PSMG2: variants seen among roughly 807,000 people sequenced by gnomAD.
The protein encoded by PSMG2 is CD40 ligand-activated specific transcript 3.
Under a neutral mutation model 31.5 loss-of-function variants are expected in PSMG2, and 21 were observed. The ratio of observed to expected loss-of-function variants is 0.67; its 90% confidence interval spans 0.47 to 0.96. PSMG2 has a LOEUF of 0.96. Among genes scored for constraint, PSMG2 ranks in the 40% least tolerant of loss-of-function variants. The pLI is 0.00. For synonymous variants in PSMG2, 120 were observed against 110.4 expected, an observed-to-expected ratio of 1.09 and a Z score of -0.54; for missense variants, 318 against 321.2, an observed-to-expected ratio of 0.99 and a Z score of 0.08.
chr18:12,698,297 C>T (rs1023887513), upstream of PSMG2, among the ~76,000 whole-genome samples: 1 of 151,830 alleles, frequency 6.6e-6, no homozygotes, highest in African/African-American at 2.4e-5. Context: ...GGGGTGATCT[C>T]GGCTCATTAC....
At chr18:12,667,372 C>T (rs1481368687) in intron 1 of PSMG2, among the ~76,000 whole-genome samples, 7 of 150,064 alleles carry the variant, frequency 4.7e-5, no homozygotes, top group East Asian at 4.0e-4. Context: ...CCAGAGGATC[C>T]GTTGAGCCCA....
intron 1 of PSMG2, among the ~76,000 whole-genome samples, chr18:12,662,320 G>T (rs112699302): frequency 4.6e-5 from 7 of 152,236 alleles, no homozygotes; most frequent in African/African-American, 1.7e-4. Context: ...CAACTTGAAG[G>T]GTCAGATATT....
In PSMG2 at chr18:12,725,649, C is replaced by A; in HGVS notation, c.*118C>A. 2 of 626,566 alleles carry A rather than the reference C, an allele frequency of 3.2e-6. No individual in the cohort carries two copies. Among genetic ancestry groups the A allele is most frequent in the Admixed American group, 3.9e-5 (1 of 25,658 alleles). The allele number at this position is 626,566 out of a possible 1,614,324, so 38.8% of individuals were successfully genotyped here. ...AGGAAATTACTTTCACAGTAAATAT[C>A]AAAGAAAAAAGATTAAGGGTCTCTT... On this transcript the variant is annotated 3_prime_UTR_variant, in exon 7 of 7. Transcript: ENST00000317615.
intron 6 of PSMG2, chr18:12,724,820 G>A (rs1347061578): frequency 2.2e-5 from 11 of 509,820 alleles, no homozygotes; most frequent in Non-Finnish European, 3.4e-5. Flanking sequence ...TTTCATTAAA[G>A]CTGACTTTCC....
At chr18:12,687,735 G>A (rs755755017) in intron 1 of PSMG2, among the ~76,000 whole-genome samples, 5 of 151,744 alleles carry the variant, frequency 3.3e-5, no homozygotes, top group Non-Finnish European at 5.9e-5. Context: ...TTACAGGTGT[G>A]AGCCACTGTG....
chr18:12,680,064 A>T (rs1050092728), intron 1 of PSMG2, among the ~76,000 whole-genome samples: 1 of 151,854 alleles, frequency 6.6e-6, no homozygotes, highest in Admixed American at 6.6e-5. Flanking sequence ...AAAAAAAAAA[A>T]AGAGAAAACT....
chr18:12,678,478 A>G, intron 1 of PSMG2: 1 of 1,404,950 alleles, frequency 7.1e-7, no homozygotes, highest in South Asian at 1.4e-5. Flanking sequence ...ATGAGAACTT[A>G]AAAATTAAAA....
upstream of PSMG2, among the ~76,000 whole-genome samples, chr18:12,702,124 A>C (rs367582495): frequency 1.1e-3 from 172 of 152,316 alleles, 1 homozygote; most frequent in African/African-American, 3.7e-3. Context: ...ACTCCGTCTC[A>C]AGAAAGAAAA....
intron 1 of PSMG2, chr18:12,674,531 C>T (rs771479371): frequency 6.2e-7 from 1 of 1,606,880 alleles, no homozygotes. Flanking sequence ...TAAATTACAC[C>T]TTACCGAAGA....
chr18:12,673,329 T>C (rs1297084726), intron 1 of PSMG2: 13 of 1,569,358 alleles, frequency 8.3e-6, no homozygotes, highest in Non-Finnish European at 1.1e-5. Context: ...AAAATTCCAA[T>C]TAAACACAGG....
At chr18:12,715,154 GCC>G (rs2040365405) in intron 3 of PSMG2, among the ~76,000 whole-genome samples, 1 of 150,866 alleles carries the variant, frequency 6.6e-6, no homozygotes, top group South Asian at 2.1e-4. Context: ...GATTACAGGT[GCC>G]CGCCACCACA....
intron 1 of PSMG2, among the ~76,000 whole-genome samples, chr18:12,695,824 A>G (rs920004655): frequency 1.3e-5 from 2 of 151,556 alleles, no homozygotes; most frequent in African/African-American, 4.9e-5. Context: ...TTCAAAGTCA[A>G]AGCAACTGTT....
At chr18:12,673,383 T>C (rs1285350917) in intron 1 of PSMG2, 1 of 1,605,844 alleles carries the variant, frequency 6.2e-7, no homozygotes, top group African/African-American at 1.3e-5. Context: ...CCGAGCGATA[T>C]TTACAAGCAA....
chr18:12,695,879 C>T (rs1370441208), intron 1 of PSMG2, among the ~76,000 whole-genome samples: 1 of 151,370 alleles, frequency 6.6e-6, no homozygotes, highest in African/African-American at 2.5e-5. Flanking sequence ...CACACACACA[C>T]ACACACTAAA....
chr18:12,692,665 A>G (rs1031442161), intron 1 of PSMG2, among the ~76,000 whole-genome samples: 7 of 152,146 alleles, frequency 4.6e-5, no homozygotes, highest in African/African-American at 1.7e-4. Flanking sequence ...CTATCTGATT[A>G]TTTTGTTTGC....
chr18:12,664,371 T>C (rs1283208280), intron 1 of PSMG2, among the ~76,000 whole-genome samples: 1 of 151,522 alleles, frequency 6.6e-6, no homozygotes, highest in Non-Finnish European at 1.5e-5. Context: ...GTGAAACCTC[T>C]ACTAAAAATA....
At chr18:12,686,272 C>T (rs1246828746) in intron 1 of PSMG2, 3 of 1,613,038 alleles carry the variant, frequency 1.9e-6, no homozygotes, top group Non-Finnish European at 2.5e-6. Flanking sequence ...CTTGTTTCTA[C>T]AGAGAAAGGC....
At chr18:12,720,021 G>A (rs1478975311) in intron 4 of PSMG2, among the ~76,000 whole-genome samples, 4 of 151,616 alleles carry the variant, frequency 2.6e-5, no homozygotes, top group African/African-American at 9.7e-5. Flanking sequence ...CCGGCCCCAA[G>A]ATGTAGCATT....
intron 1 of PSMG2, chr18:12,695,440 G>A: frequency 1.9e-6 from 1 of 515,776 alleles, no homozygotes; most frequent in Non-Finnish European, 3.4e-6. Flanking sequence ...TTAGGCACTT[G>A]GGTGTTTTAT....
Sources: gnomAD v4.1 joint callset for allele counts (sites outside exome capture counted in the v4.1 genomes callset) on GRCh38, gnomAD v4.1.1 for gene constraint, MANE v1.5 for transcripts, NCBI Gene and HGNC (gene_info 2026-07-23, HGNC 2026-07-21) for gene names.